The following PRPS2 variants were observed in gnomAD, a reference collection of about 807,000 sequenced individuals.
PRPS2 encodes phosphoribosyl pyrophosphate synthetase 2, also known as ribose-phosphate pyrophosphokinase 2.
For missense variants in PRPS2, 104 were observed against 271.5 expected (o/e 0.38, Z 4.34); for synonymous variants, 111 against 115.3 (o/e 0.96, Z 0.24).
At chrX:12,797,584 G>C (rs760376748) in intron 1 of PRPS2, among the ~76,000 whole-genome samples, 1 of 111,505 alleles carries the variant, frequency 9.0e-6, no homozygotes, top group South Asian at 3.8e-4. Context: ...GGGATAAGAG[G>C]TTGTGCATAA....
chrX:12,810,351 G>C lies in PRPS2; in HGVS notation c.530+205G>C, dbSNP rs1371876919. 43 of 451,612 alleles carry C rather than the reference G, an allele frequency of 9.5e-5. No individual in the cohort carries two copies. The Admixed American group carries it at 1.8e-3, about 19-fold the overall frequency. 37.2% of individuals were successfully genotyped at this position (451,612 alleles called of 1,213,427 possible). A position where few individuals can be genotyped will look rare whatever the true frequency, so the allele number is the denominator to read the frequency against. ...GTCATTCAGGAAAGAAGAAAATACA[G>C]AGACACACATACACAATAGGTATAT... On this transcript the variant is annotated intron_variant, in intron 4 of 6. Coordinates refer to ENST00000380668, the MANE Select transcript of PRPS2 (RefSeq NM_002765.5).
chrX:12,802,484 T>C lies in PRPS2; in HGVS notation c.306+3094T>C, dbSNP rs771895885. 3.6e-5 allele frequency among the ~76,000 whole-genome samples: 4 copies of C among 111,540 alleles called. No homozygotes were observed. The East Asian group carries it at 1.1e-3, about 31-fold the overall frequency. On this transcript the variant is annotated intron_variant, in intron 2 of 6. Coordinates refer to ENST00000380668, the MANE Select transcript of PRPS2 (RefSeq NM_002765.5). ...CAGCCTCTCAAGTAGCTGGGAAGCATGCGCCACGACGCCTGGCTAATTTTT... is the reference window on the plus strand; with the variant it reads ...CAGCCTCTCAAGTAGCTGGGAAGCACGCGCCACGACGCCTGGCTAATTTTT...
At chrX:12,792,032 C>T (rs1170105557) in intron 1 of PRPS2, among the ~76,000 whole-genome samples, 1 of 113,193 alleles carries the variant, frequency 8.8e-6, no homozygotes, top group Non-Finnish European at 1.9e-5. Context: ...GAGAGACGTC[C>T]TGGGTTGGCT....
chrX:12,799,900 A>G (rs189710729), intron 2 of PRPS2, among the ~76,000 whole-genome samples: 5 of 112,191 alleles, frequency 4.5e-5, no homozygotes, highest in African/African-American at 1.6e-4. Context: ...ATTAAAAAAA[A>G]AACCCATGAT....
intron 3 of PRPS2, 66 bp from the exon 4 acceptor site, chrX:12,809,956 T>A (rs772121722): frequency 4.0e-5 from 43 of 1,087,594 alleles, no homozygotes; most frequent in Non-Finnish European, 3.0e-5. Flanking sequence ...CGATTATCGT[T>A]TAAAAAAACA....
At chrX:12,808,775 A>G (rs1485289918) in intron 2 of PRPS2, among the ~76,000 whole-genome samples, 1 of 111,702 alleles carries the variant, frequency 9.0e-6, no homozygotes, top group African/African-American at 3.3e-5. Context: ...CACATGTGCC[A>G]CTCTGTCCTT....
At chrX:12,793,637 C>T (rs917360534) in intron 1 of PRPS2, among the ~76,000 whole-genome samples, 7 of 112,021 alleles carry the variant, frequency 6.2e-5, no homozygotes, top group Non-Finnish European at 1.1e-4. Context: ...CCTCTCTGGA[C>T]CAGTTACTGT....
At chrX:12,801,534 C>CTAATT (rs1224554804) in intron 2 of PRPS2, among the ~76,000 whole-genome samples, 2 of 112,319 alleles carry the variant, frequency 1.8e-5, no homozygotes, top group East Asian at 5.5e-4. Context: ...CATAGAAGAG[C>CTAATT]TAATTTTCTG....
chrX:12,805,471 A>G (rs1602411700), intron 2 of PRPS2, among the ~76,000 whole-genome samples: 1 of 112,035 alleles, frequency 8.9e-6, no homozygotes, highest in Admixed American at 9.5e-5. Flanking sequence ...TTGGGTATCT[A>G]TTGCAGCAGC....
chrX:12,804,152 A>AT (rs1181474033), intron 2 of PRPS2, among the ~76,000 whole-genome samples: 1 of 108,172 alleles, frequency 9.2e-6, no homozygotes, highest in African/African-American at 3.4e-5. Flanking sequence ...CCTTTGCTTT[A>AT]TTTTTTTAAG....
At chrX:12,801,588 G>A (rs2042570725) in intron 2 of PRPS2, among the ~76,000 whole-genome samples, 1 of 111,817 alleles carries the variant, frequency 8.9e-6, no homozygotes, top group Admixed American at 9.5e-5. Flanking sequence ...TTCTCACATT[G>A]TAGCTGGTTT....
chrX:12,817,714 T>G (rs1482026139), intron 4 of PRPS2, among the ~76,000 whole-genome samples: 4 of 111,987 alleles, frequency 3.6e-5, no homozygotes, highest in Non-Finnish European at 5.6e-5. Context: ...TGGAATGTTA[T>G]TCAGACTTAA....
At chrX:12,811,918 G>A (rs911908506) in intron 4 of PRPS2, among the ~76,000 whole-genome samples, 1 of 112,299 alleles carries the variant, frequency 8.9e-6, no homozygotes, top group Non-Finnish European at 1.9e-5. Flanking sequence ...TCTGCCAGCA[G>A]CAGGAAGTGG....
chrX:12,822,994 G>A lies in PRPS2; in HGVS notation c.*198G>A. ...TTCCAGTTTTTGGGGAAATGGTGGTGGTTATTTGGTCTTTAAGTGAACTGT... is the reference window on the plus strand; with the variant it reads ...TTCCAGTTTTTGGGGAAATGGTGGTAGTTATTTGGTCTTTAAGTGAACTGT... On this transcript the variant is annotated 3_prime_UTR_variant, in exon 7 of 7. Transcript: ENST00000380668. 1 of 414,102 alleles carries A rather than the reference G, an allele frequency of 2.4e-6. No individual in the cohort carries two copies. The highest frequency in any genetic ancestry group is 4.2e-6 in the Non-Finnish European group (1 of 240,295). 34.1% of individuals were successfully genotyped at this position (414,102 alleles called of 1,213,427 possible).
chrX:12,795,333 C>T (rs1173242299), intron 1 of PRPS2, among the ~76,000 whole-genome samples: 2 of 111,759 alleles, frequency 1.8e-5, no homozygotes, highest in African/African-American at 6.5e-5. Flanking sequence ...GCCTACCACG[C>T]CATTCTTAAC....
intron 2 of PRPS2, 100 bp downstream of exon 2, chrX:12,799,490 T>C: frequency 1.1e-6 from 1 of 943,869 alleles, no homozygotes; most frequent in African/African-American, 2.0e-5. Context: ...AAATGTTGGC[T>C]TTTTCCTTTG....
At chrX:12,820,878 G>A (rs1265940047) in intron 6 of PRPS2, 75 bp downstream of exon 6, 2 of 1,025,195 alleles carry the variant, frequency 2.0e-6, no homozygotes, top group Non-Finnish European at 2.6e-6. Flanking sequence ...ATCATGTCTT[G>A]TGTGTGTGTG....
In PRPS2 at chrX:12,819,617, G is replaced by A. The variant is rs143528874; in HGVS notation, c.641G>A (p.Arg214His). Reference protein sequence around the residue: ...RMVLVGDVKDRVAILVDDMAD... With the variant: ...RMVLVGDVKDHVAILVDDMAD... ...GTCCTGGTGGGCGACGTGAAGGACC[G>A]TGTGGCCATCCTCGTGGATGACATG... Residue 214 changes from arginine (R) to histidine (H), a missense_variant, in exon 5 of 7, where the codon CGT becomes CAT. Physicochemically the swap from Arg to His is conservative, Grantham distance 29. Transcript: ENST00000380668. 6.6e-6 allele frequency: 8 copies of A among 1,211,637 alleles called. No individual in the cohort carries two copies. Among genetic ancestry groups the A allele is most frequent in the African/African-American group, 1.7e-5 (1 of 57,854 alleles).
At chrX:12,809,857 T>C (rs1373340867) in intron 3 of PRPS2, among the ~76,000 whole-genome samples, 165 bp from the exon 4 acceptor site, 1 of 112,592 alleles carries the variant, frequency 8.9e-6, no homozygotes, top group Non-Finnish European at 1.9e-5. Flanking sequence ...ATATCTGTCT[T>C]TTGATTTAAT....
Sources: gnomAD v4.1 joint callset for allele counts (sites outside exome capture counted in the v4.1 genomes callset) on GRCh38, gnomAD v4.1.1 for gene constraint, MANE v1.5 for transcripts, NCBI Gene and HGNC (gene_info 2026-07-23, HGNC 2026-07-21) for gene names.